The following NKAIN3 variants were observed in gnomAD, a reference collection of about 807,000 sequenced individuals.
NKAIN3 encodes sodium/potassium-transporting ATPase subunit beta-1-interacting protein 3.
In NKAIN3, 25 loss-of-function variants were observed where a neutral mutation model predicts 30.2. The observed-to-expected ratio is 0.83, with a 90% CI of 0.60 to 1.16. NKAIN3 has a LOEUF of 1.16. NKAIN3 is among the 50% of genes most tolerant of loss of function. The pLI is 0.00. For missense variants in NKAIN3, 225 were observed against 254.1 expected, an observed-to-expected ratio of 0.89 and a Z score of 0.78; for synonymous variants, 91 against 89.6, an observed-to-expected ratio of 1.02 and a Z score of -0.09.
intron 1 of NKAIN3, among the ~76,000 whole-genome samples, chr8:62,345,167 AC>A (rs1815890559): frequency 6.6e-6 from 1 of 151,376 alleles, no homozygotes; most frequent in African/African-American, 2.4e-5. Context: ...GTATCCTGGA[AC>A]TTTACCACAT....
At chr8:62,357,286 G>T (rs993654583) in intron 1 of NKAIN3, among the ~76,000 whole-genome samples, 1 of 151,818 alleles carries the variant, frequency 6.6e-6, no homozygotes, top group African/African-American at 2.4e-5. Context: ...AGATGTGGTG[G>T]TGTATACATG....
chr8:62,454,301 C>CAAAAAAAAAAAAAAAAAAAAAAAAAAAAA lies in NKAIN3; in HGVS notation c.55-125216_55-125215insAAAAAAAAAAAAAAAAAAAAAAAAAAAAA, dbSNP rs201511724. ...ACCAACACTAACAATAGCTGATGTG[C>CAAAAAAAAAAAAAAAAAAAAAAAAAAAAA]AAAAAAAAAAAAAAAAAAAAAATCT... On this transcript the variant is annotated intron_variant, in intron 1 of 6. Coordinates refer to ENST00000623646, the MANE Select transcript of NKAIN3 (RefSeq NM_001304533.3). Among the ~76,000 whole-genome samples, 185 of 56,136 alleles carry CAAAAAAAAAAAAAAAAAAAAAAAAAAAAA rather than the reference C, an allele frequency of 3.3e-3. 24 individuals carry two copies. Among genetic ancestry groups the CAAAAAAAAAAAAAAAAAAAAAAAAAAAAA allele is most frequent in the Non-Finnish European group, 4.6e-3 (119 of 25,982 alleles). 36.8% of individuals were successfully genotyped at this position (56,136 alleles called of 152,430 possible).
At chr8:62,746,444 G>A (rs1480127) in intron 3 of NKAIN3, among the ~76,000 whole-genome samples, 133,755 of 152,196 alleles carry the variant, frequency 0.88, 58,893 homozygotes, top group Admixed American at 0.9. Context: ...ATTGGTGGAG[G>A]CAATTATTCA....
intron 4 of NKAIN3, among the ~76,000 whole-genome samples, chr8:62,798,401 C>G (rs113366759): frequency 0.011 from 1,610 of 152,138 alleles, 22 homozygotes; most frequent in South Asian, 0.031. Flanking sequence ...GAAACCCCAT[C>G]TCTACTGAAA....
downstream of NKAIN3, among the ~76,000 whole-genome samples, chr8:62,986,475 T>C (rs1044249861): frequency 6.6e-6 from 1 of 152,186 alleles, no homozygotes; most frequent in African/African-American, 2.4e-5. Context: ...ATTCACTGGC[T>C]TCAGGTCTCT....
At chr8:62,790,326 C>A (rs901226386) in intron 4 of NKAIN3, among the ~76,000 whole-genome samples, 100 of 152,170 alleles carry the variant, frequency 6.6e-4, no homozygotes, top group African/African-American at 2.3e-3. Flanking sequence ...ATAATAAGAG[C>A]TATCTATGAC....
intron 1 of NKAIN3, among the ~76,000 whole-genome samples, chr8:62,431,788 T>A (rs891929238): frequency 6.6e-6 from 1 of 151,282 alleles, no homozygotes; most frequent in African/African-American, 2.4e-5. Context: ...TAACAAGAAC[T>A]GTAAAAGTTC....
chr8:62,990,110 C>G (rs979171923), intron 5 of NKAIN3: 2 of 830,228 alleles, frequency 2.4e-6, no homozygotes, highest in East Asian at 5.8e-5. Context: ...TCATTTCAAT[C>G]TAATAAGATC....
intron 4 of NKAIN3, among the ~76,000 whole-genome samples, chr8:62,748,591 T>G (rs1816164820): frequency 6.6e-6 from 1 of 152,212 alleles, no homozygotes; most frequent in Non-Finnish European, 1.5e-5. Context: ...CTCAATCTAC[T>G]ATTTACTATT....
chr8:62,506,429 G>A (rs1404662240), intron 1 of NKAIN3, among the ~76,000 whole-genome samples: 2 of 150,132 alleles, frequency 1.3e-5, no homozygotes, highest in African/African-American at 4.9e-5. Context: ...GTGCAACTTA[G>A]GACATGTGCA....
intron 5 of NKAIN3, among the ~76,000 whole-genome samples, chr8:62,928,336 C>G (rs1822511796): frequency 6.6e-6 from 1 of 152,160 alleles, no homozygotes; most frequent in Non-Finnish European, 1.5e-5. Context: ...CTCTCTCTCC[C>G]TCTCTCTCTT....
chr8:62,616,644 T>C (rs537206949), intron 3 of NKAIN3, among the ~76,000 whole-genome samples: 2 of 152,232 alleles, frequency 1.3e-5, no homozygotes, highest in South Asian at 2.1e-4. Context: ...CTTTATTACG[T>C]AGGCATGCTT....
chr8:62,345,793 T>G (rs1815985628), intron 1 of NKAIN3, among the ~76,000 whole-genome samples: 1 of 151,876 alleles, frequency 6.6e-6, no homozygotes, highest in Non-Finnish European at 1.5e-5. Context: ...CAGCTAGAAC[T>G]TCCATTACTG....
chr8:62,724,419 G>A (rs1358972230), intron 3 of NKAIN3, among the ~76,000 whole-genome samples: 2 of 151,830 alleles, frequency 1.3e-5, no homozygotes, highest in African/African-American at 2.4e-5. Flanking sequence ...ACTTTTAAAT[G>A]TACAAAAACT....
intron 3 of NKAIN3, among the ~76,000 whole-genome samples, chr8:62,619,471 A>C (rs1811558477): frequency 1.3e-5 from 2 of 152,292 alleles, no homozygotes; most frequent in Admixed American, 6.5e-5. Context: ...AAAATTGTTA[A>C]ATCTACCTAC....
intron 1 of NKAIN3, among the ~76,000 whole-genome samples, chr8:62,390,578 T>C (rs1817560526): frequency 6.6e-6 from 1 of 152,194 alleles, no homozygotes. Flanking sequence ...GATTGCTGGG[T>C]TGAATGGTGT....
chr8:62,875,340 G>GA, intron 4 of NKAIN3, among the ~76,000 whole-genome samples: 1 of 151,926 alleles, frequency 6.6e-6, no homozygotes, highest in East Asian at 1.9e-4. Context: ...ACAAACAAAT[G>GA]AAAAAACATT....
intron 4 of NKAIN3, among the ~76,000 whole-genome samples, chr8:62,799,895 T>C (rs1438064973): frequency 1.3e-5 from 2 of 152,186 alleles, no homozygotes; most frequent in Non-Finnish European, 1.5e-5. Context: ...ATAATGGCAT[T>C]TGTAGCAACC....
intron 4 of NKAIN3, among the ~76,000 whole-genome samples, chr8:62,892,516 T>C (rs1417090430): frequency 6.6e-6 from 1 of 152,190 alleles, no homozygotes; most frequent in Non-Finnish European, 1.5e-5. Context: ...AGTGAAATGC[T>C]GAAATCACAT....
Sources: gnomAD v4.1 joint callset for allele counts (sites outside exome capture counted in the v4.1 genomes callset) on GRCh38, gnomAD v4.1.1 for gene constraint, MANE v1.5 for transcripts, NCBI Gene and HGNC (gene_info 2026-07-23, HGNC 2026-07-21) for gene names.